LINGO2: variants seen among roughly 807,000 people sequenced by gnomAD.
LINGO2 encodes the protein leucine rich repeat and Ig domain containing 2.
In LINGO2, 14 loss-of-function variants were observed where a neutral mutation model predicts 30.6. That is an observed-to-expected ratio of 0.46 (90% CI 0.30 to 0.72). The LOEUF is 0.72. LINGO2 is among the 30% of genes least tolerant of loss of function. The pLI is 0.07. For missense variants in LINGO2, 729 were observed against 751.7 expected (o/e 0.97, Z 0.35); for synonymous variants, 317 against 288.5 (o/e 1.10, Z -1.00).
chr9:28,161,370 T>C (rs1218389630), intron 4 of LINGO2, among the ~76,000 whole-genome samples: 2 of 152,190 alleles, frequency 1.3e-5, no homozygotes, highest in Non-Finnish European at 2.9e-5. Context: ...CTTTTTTTAG[T>C]ATCATTATTT....
In LINGO2 at chr9:28,311,532, G is replaced by A. The variant is rs148258060; in HGVS notation, c.-245-16166C>T. Among the ~76,000 whole-genome samples the A allele has an allele frequency of 4.3e-3, 655 of 152,156 alleles. 1 individual carries two copies. Among genetic ancestry groups the A allele is most frequent in the African/African-American group, 0.015 (628 of 41,518 alleles). On this transcript the variant is annotated intron_variant, in intron 3 of 5. Coordinates refer to ENST00000379992, the Ensembl canonical transcript of LINGO2. ...ATTTTAGAGGCCTACCCTCAGGGAC[G>A]CATTCTCTTTCTCAGGGATGTTCCT... is the stretch of plus-strand genomic sequence containing the variant.
At chr9:28,996,000 C>A in the LINGO2 span, among the ~76,000 whole-genome samples, 42 of 139,188 alleles carry the variant, frequency 3.0e-4, no homozygotes, top group African/African-American at 1.1e-3. Flanking sequence ...TGCACATGTA[C>A]CCTAAAACTT....
chr9:28,204,475 C>T (rs2133833022), intron 4 of LINGO2, among the ~76,000 whole-genome samples: 1 of 152,194 alleles, frequency 6.6e-6, no homozygotes, highest in Middle Eastern at 3.4e-3. Context: ...CATTATAGTT[C>T]CATGGTTACT....
intron 4 of LINGO2, among the ~76,000 whole-genome samples, chr9:28,033,686 T>G (rs138798407): frequency 6.6e-6 from 1 of 152,226 alleles, no homozygotes; most frequent in Non-Finnish European, 1.5e-5. Flanking sequence ...GCAGTGTTTC[T>G]ATTCTGCCCC....
At chr9:28,052,307 C>G (rs1367201338) in intron 4 of LINGO2, among the ~76,000 whole-genome samples, 1 of 152,076 alleles carries the variant, frequency 6.6e-6, no homozygotes, top group Non-Finnish European at 1.5e-5. Flanking sequence ...AGTGCTAACA[C>G]AGCAATTACA....
At chr9:29,199,369 G>C in the LINGO2 span, among the ~76,000 whole-genome samples, 1 of 151,922 alleles carries the variant, frequency 6.6e-6, no homozygotes, top group Admixed American at 6.6e-5. Flanking sequence ...CACATCCACT[G>C]TACCACTTGA....
At chr9:28,879,565 T>G in the LINGO2 span, among the ~76,000 whole-genome samples, 4 of 152,208 alleles carry the variant, frequency 2.6e-5, no homozygotes, top group African/African-American at 9.6e-5. Flanking sequence ...TTTCCAGTCA[T>G]TCTCACATCA....
the LINGO2 span, among the ~76,000 whole-genome samples, chr9:29,028,540 C>T: frequency 6.6e-6 from 1 of 151,914 alleles, no homozygotes; most frequent in African/African-American, 2.4e-5. Flanking sequence ...CCTGCTACTC[C>T]CATCAAAAGG....
intron 1 of LINGO2, among the ~76,000 whole-genome samples, chr9:28,664,163 C>G (rs1156747128): frequency 6.6e-6 from 1 of 151,924 alleles, no homozygotes; most frequent in African/African-American, 2.4e-5. Flanking sequence ...AAAATTAAAA[C>G]AGATAAAATA....
the LINGO2 span, among the ~76,000 whole-genome samples, chr9:29,212,257 C>G: frequency 2.0e-5 from 3 of 151,934 alleles, no homozygotes; most frequent in Non-Finnish European, 4.4e-5. Context: ...GCCCCTGCCG[C>G]GCGGGCTCCG....
Position 28,227,523 on chromosome 9 carries a change from A to G in LINGO2, c.-87+67685T>C, listed in dbSNP as rs145120074. ...CTATATTGTTCCATTCTCCCCTTCT[A>G]TGTGGCTGGTATGTATTCTTTAACA... On this transcript the variant is annotated intron_variant, in intron 4 of 5. Transcript: ENST00000379992. 4.6e-5 allele frequency among the ~76,000 whole-genome samples: 7 copies of G among 152,192 alleles called. No individual in the cohort carries two copies. In the East Asian group the frequency reaches 1.3e-3, roughly 29 times the overall value.
the LINGO2 span, among the ~76,000 whole-genome samples, chr9:28,783,360 T>C: frequency 3.9e-5 from 6 of 152,168 alleles, no homozygotes; most frequent in African/African-American, 1.4e-4. Flanking sequence ...CCTAATACAA[T>C]ATAAATGCTG....
downstream of LINGO2, chr9:27,944,190 A>C (rs991133443): frequency 6.6e-5 from 10 of 152,226 alleles, no homozygotes; most frequent in African/African-American, 2.4e-4. Context: ...ACTGTTCTCC[A>C]AACAGGCAAA....
exon 6 of LINGO2, chr9:27,949,498 A>G: frequency 1.2e-6 from 2 of 1,613,794 alleles, no homozygotes; most frequent in South Asian, 2.2e-5. Flanking sequence ...TCCTTGAAAG[A>G]CCTCTCACGG....
In LINGO2 at chr9:28,506,226, G is replaced by T. The variant is rs112963715; in HGVS notation, c.-364-30201C>A. On this transcript the variant is annotated intron_variant, in intron 1 of 5. Transcript: ENST00000379992. ...TCTGTTCCACACTTAAATAACAAAG[G>T]TACTTTAGACAAGTCATAACTTGGA... Among the ~76,000 whole-genome samples, 255 of 150,952 alleles carry T rather than the reference G, an allele frequency of 1.7e-3. 1 individual carries two copies. The highest frequency in any genetic ancestry group is 6.0e-3 in the African/African-American group (247 of 41,216).
At chr9:29,041,917 G>A in the LINGO2 span, among the ~76,000 whole-genome samples, 25 of 151,976 alleles carry the variant, frequency 1.6e-4, no homozygotes, top group African/African-American at 5.8e-4. Flanking sequence ...AAGAACTGGT[G>A]TTAGAATATA....
chr9:28,766,475 G>A, the LINGO2 span, among the ~76,000 whole-genome samples: 1 of 151,248 alleles, frequency 6.6e-6, no homozygotes, highest in African/African-American at 2.4e-5. Context: ...TACACTGTTG[G>A]GGGAAAGGTA....
At chr9:29,070,573 G>GA in the LINGO2 span, among the ~76,000 whole-genome samples, 2 of 152,176 alleles carry the variant, frequency 1.3e-5, no homozygotes, top group African/African-American at 2.4e-5. Flanking sequence ...GGCTGTGGTG[G>GA]AAAGTGCTAC....
intron 4 of LINGO2, among the ~76,000 whole-genome samples, chr9:28,224,882 C>A (rs749342988): frequency 2.0e-5 from 3 of 152,034 alleles, no homozygotes; most frequent in Non-Finnish European, 4.4e-5. Flanking sequence ...AAATATACTA[C>A]TAAGCTATAG....
Sources: gnomAD v4.1 joint callset for allele counts (sites outside exome capture counted in the v4.1 genomes callset) on GRCh38, gnomAD v4.1.1 for gene constraint, MANE v1.5 for transcripts, NCBI Gene and HGNC (gene_info 2026-07-23, HGNC 2026-07-21) for gene names.